Variants in BRD7 observed in about 807,000 individuals in gnomAD.
BRD7 encodes bromodomain containing 7, also known as bromodomain-containing protein 7.
In BRD7, 15 loss-of-function variants were observed where a neutral mutation model predicts 82.1. The observed-to-expected ratio is 0.18, with a 90% CI of 0.12 to 0.28. The LOEUF is 0.28. Among genes scored for constraint, BRD7 ranks in the 10% least tolerant of loss-of-function variants. BRD7 has a pLI of 1.00. For synonymous variants in BRD7, 232 were observed against 266.9 expected (o/e 0.87, Z 1.27); for missense variants, 638 against 779.9 (o/e 0.82, Z 2.17).
At position 50,318,288 on chromosome 16, in the gene BRD7, C is replaced by CTAAT. The variant is rs760124451; in HGVS notation, c.*919_*922dup. The stretch of plus-strand genomic sequence containing the variant: ...TTACCCTATTTGTTCTTCCTAAATA[C>CTAAT]TAATTAATTTTCAAAGTCAGGAAAA... On this transcript the variant is annotated 3_prime_UTR_variant, in exon 17 of 17. Coordinates refer to ENST00000394688, the MANE Select transcript of BRD7 (RefSeq NM_013263.5). 1.3e-4 allele frequency: 19 copies of CTAAT among 141,560 alleles called. No individual in the cohort carries two copies. Among genetic ancestry groups the CTAAT allele is most frequent in the South Asian group, 1.1e-3 (5 of 4,480 alleles). The allele number at this position is 141,560 out of a possible 1,614,324, so 8.8% of individuals were successfully genotyped here.
chr16:50,350,330 A>C (rs1286618035), intron 4 of BRD7, among the ~76,000 whole-genome samples, 163 bp from the exon 5 acceptor site: 1 of 152,178 alleles, frequency 6.6e-6, no homozygotes, highest in Non-Finnish European at 1.5e-5. Context: ...AAAGTCTATT[A>C]AGTATTTCAT....
chr16:50,328,349 T>C (rs1323616498), intron 9 of BRD7, among the ~76,000 whole-genome samples: 2 of 152,252 alleles, frequency 1.3e-5, no homozygotes, highest in African/African-American at 2.4e-5. Flanking sequence ...GAGATACCTC[T>C]AAACTGAGTG....
At chr16:50,329,963 C>T (rs2037492249) in intron 8 of BRD7, among the ~76,000 whole-genome samples, 1 of 152,176 alleles carries the variant, frequency 6.6e-6, no homozygotes, top group East Asian at 1.9e-4. Context: ...GTCCCCCCTT[C>T]CTCTTGCCAC....
At chr16:50,326,733 C>T (rs1261884745) in intron 9 of BRD7, among the ~76,000 whole-genome samples, 2 of 151,992 alleles carry the variant, frequency 1.3e-5, no homozygotes, top group African/African-American at 4.8e-5. Context: ...TTAACCAGTA[C>T]AAAGGTTAGT....
intron 7 of BRD7, 58 bp from the exon 8 acceptor site, chr16:50,333,755 A>G: frequency 7.5e-7 from 1 of 1,328,290 alleles, no homozygotes; most frequent in South Asian, 1.3e-5. Flanking sequence ...AGATGAAAAC[A>G]TTCAAATGAA....
At chr16:50,324,400 C>T (rs1458641068) in intron 11 of BRD7, among the ~76,000 whole-genome samples, 1 of 152,196 alleles carries the variant, frequency 6.6e-6, no homozygotes, top group African/African-American at 2.4e-5. Flanking sequence ...CTTTAAACAT[C>T]ATAATCTGGA....
chr16:50,345,891 A>G (rs2038263509), intron 5 of BRD7, among the ~76,000 whole-genome samples: 1 of 152,164 alleles, frequency 6.6e-6, no homozygotes, highest in Admixed American at 6.5e-5. Context: ...ATATCCAGGA[A>G]TTGAACTCAG....
chr16:50,319,293 C>T (rs759045392), intron 16 of BRD7, 27 bp from the exon 17 acceptor site: 17 of 1,605,624 alleles, frequency 1.1e-5, no homozygotes, highest in South Asian at 2.2e-5. Context: ...TCACTTAATT[C>T]AACATTGTTT....
In BRD7 at chr16:50,348,496, T is replaced by A. The variant is rs190732008; in HGVS notation, c.591+1527A>T. On this transcript the variant is annotated intron_variant, in intron 5 of 16. Coordinates refer to ENST00000394688, the MANE Select transcript of BRD7 (RefSeq NM_013263.5). Reference sequence around the variant, plus strand: ...GGCAACCTACAGAATGGGAGAAAATTTTCACAGTCTATCCATCTGACAAAG... The same window carrying A: ...GGCAACCTACAGAATGGGAGAAAATATTCACAGTCTATCCATCTGACAAAG... 2.2e-4 allele frequency among the ~76,000 whole-genome samples: 34 copies of A among 152,144 alleles called. 1 individual carries two copies. The East Asian group carries it at 6.2e-3, about 28-fold the overall frequency.
Position 50,346,395 on chromosome 16 carries a change from C to T in BRD7, c.591+3628G>A, listed in dbSNP as rs533151688. 3.9e-5 allele frequency among the ~76,000 whole-genome samples: 6 copies of T among 152,158 alleles called. No homozygotes were observed. In the South Asian group the frequency reaches 1.0e-3, roughly 26 times the overall value. On this transcript the variant is annotated intron_variant, in intron 5 of 16. Coordinates refer to ENST00000394688, the MANE Select transcript of BRD7 (RefSeq NM_013263.5). ...AAGAGCAAACACATTCAAAACCTAG[C>T]AGAAGGCAAGAAATAACTAAGATCA...
chr16:50,354,365 G>T, intron 4 of BRD7, 60 bp downstream of exon 4: 1 of 1,400,922 alleles, frequency 7.1e-7, no homozygotes, highest in Non-Finnish European at 1.0e-6. Context: ...AATGTGGTTT[G>T]GATCCTACAC....
intron 12 of BRD7, among the ~76,000 whole-genome samples, chr16:50,322,681 CACTTG>C (rs968744070): frequency 2.0e-5 from 3 of 152,180 alleles, no homozygotes; most frequent in African/African-American, 7.2e-5. Context: ...AGGACAAAGA[CACTTG>C]ACATTTTGAA....
intron 3 of BRD7, 86 bp from the exon 4 acceptor site, chr16:50,354,568 A>G (rs1379542036): frequency 8.0e-6 from 10 of 1,256,452 alleles, no homozygotes; most frequent in Non-Finnish European, 1.1e-5. Context: ...TACAACCATT[A>G]TTAAATATCT....
At chr16:50,356,656 G>C (rs1597090501) in intron 2 of BRD7, among the ~76,000 whole-genome samples, 1 of 151,846 alleles carries the variant, frequency 6.6e-6, no homozygotes, top group East Asian at 1.9e-4. Flanking sequence ...AGGAAAGACA[G>C]AAATGGGACT....
intron 12 of BRD7, among the ~76,000 whole-genome samples, chr16:50,323,303 G>A (rs2037195793): frequency 6.6e-6 from 1 of 152,172 alleles, no homozygotes; most frequent in Non-Finnish European, 1.5e-5. Context: ...TTTTTTGTTA[G>A]AGGACACAAT....
intron 5 of BRD7, among the ~76,000 whole-genome samples, chr16:50,346,215 A>C (rs899678042): frequency 3.3e-5 from 5 of 152,252 alleles, no homozygotes; most frequent in Non-Finnish European, 7.3e-5. Flanking sequence ...TGTTCTTTGA[A>C]ACCAATGAGA....
chr16:50,333,903 C>T (rs1390561952), intron 7 of BRD7, among the ~76,000 whole-genome samples: 2 of 152,204 alleles, frequency 1.3e-5, no homozygotes, highest in Admixed American at 6.5e-5. Context: ...TATTTCCCTA[C>T]CTTTTTCTGT....
rs149615125 is a variant in BRD7 at position 50,343,579 on chromosome 16, A to T, written c.592-3493T>A. 1.0e-3 allele frequency among the ~76,000 whole-genome samples: 155 copies of T among 152,264 alleles called. 3 individuals carry two copies. The East Asian group carries it at 0.028, about 28-fold the overall frequency. On this transcript the variant is annotated intron_variant, in intron 5 of 16. Coordinates refer to ENST00000394688, the MANE Select transcript of BRD7 (RefSeq NM_013263.5). ...GCCAAGGGAAGCTGTGACAGACTGTACCTGGAAAATCAGGACACTCCCACC... is the reference window on the plus strand; with the variant it reads ...GCCAAGGGAAGCTGTGACAGACTGTTCCTGGAAAATCAGGACACTCCCACC...
rs1305259976 is a variant in BRD7 at position 50,340,892 on chromosome 16, A to AAAACCC, written c.592-812_592-807dup. ...GCCAAGGCCTTACTAAGTTGAAAGA[A>AAAACCC]AAACCCAAGAAAAGAGAATCTGCCC... On this transcript the variant is annotated intron_variant, in intron 5 of 16. Coordinates refer to ENST00000394688, the MANE Select transcript of BRD7 (RefSeq NM_013263.5). 2.0e-5 allele frequency among the ~76,000 whole-genome samples: 3 copies of AAAACCC among 152,196 alleles called. No homozygotes were observed. The East Asian group carries it at 5.8e-4, about 29-fold the overall frequency.
Sources: allele counts gnomAD v4.1 joint callset (sites outside exome capture counted in the v4.1 genomes callset), GRCh38; gene constraint gnomAD v4.1.1; transcripts MANE v1.5; gene names NCBI Gene and HGNC (gene_info 2026-07-23, HGNC 2026-07-21).